CFH: variants seen among roughly 807,000 people sequenced by gnomAD.
The protein encoded by CFH is complement factor H.
Under a neutral mutation model 147.3 loss-of-function variants are expected in CFH, and 53 were observed. That is an observed-to-expected ratio of 0.36 (90% CI 0.29 to 0.45). The LOEUF (loss-of-function observed/expected upper bound fraction) is 0.45. CFH is among the 20% of genes least tolerant of loss of function. The pLI, the probability that CFH is intolerant of heterozygous loss-of-function variation, is 1.00. For missense variants in CFH, 1,380 were observed against 1,498.0 expected (o/e 0.92, Z 1.30); for synonymous variants, 536 against 489.4 (o/e 1.10, Z -1.26).
At chr1:196,713,699 A>G (rs765705174) in intron 9 of CFH, 36 bp from the exon 10 acceptor site, 11 of 1,291,736 alleles carry the variant, frequency 8.5e-6, no homozygotes, top group Non-Finnish European at 1.2e-5. Context: ...GTTATTGATC[A>G]TATGCTTGTC....
chr1:196,740,402 G>A (rs1347311042), intron 17 of CFH, among the ~76,000 whole-genome samples: 1 of 152,096 alleles, frequency 6.6e-6, no homozygotes, highest in South Asian at 2.1e-4. Flanking sequence ...GAAATGTATT[G>A]CTATTTTTAG....
chr1:196,677,623 G>C lies in CFH; in HGVS notation c.575G>C (p.Cys192Ser). 1 of 1,613,130 alleles carries C rather than the reference G, an allele frequency of 6.2e-7. No homozygotes were observed. Among genetic ancestry groups the C allele is most frequent in the Non-Finnish European group, 8.5e-7 (1 of 1,179,322 alleles). ...YKIEGDEEMH[C>S]SDDGFWSKEK... The stretch of plus-strand genomic sequence containing the variant: ...ATTGAAGGAGATGAAGAAATGCATT[G>C]TTCAGACGATGGTTTTTGGAGTAAA... Residue 192 changes from cysteine (C) to serine (S), a missense_variant, in exon 5 of 22, where the codon TGT becomes TCT. Physicochemically the swap from Cys to Ser is moderately radical, Grantham distance 112. Around this residue, in one of 4 missense-constraint regions of CFH, gnomAD observed 260 missense variants for 263.3 expected, o/e 0.99. Coordinates refer to ENST00000367429, the MANE Select transcript of CFH (RefSeq NM_000186.4).
At chr1:196,699,266 G>C (rs1240678411) in intron 9 of CFH, among the ~76,000 whole-genome samples, 2 of 151,954 alleles carry the variant, frequency 1.3e-5, no homozygotes, top group Admixed American at 6.6e-5. Context: ...TCTAATATGT[G>C]TGTGATGGTA....
intron 1 of CFH, among the ~76,000 whole-genome samples, chr1:196,671,748 A>T (rs1296205993): frequency 7.0e-6 from 1 of 142,216 alleles, no homozygotes; most frequent in Non-Finnish European, 1.6e-5. Context: ...TATATTATGT[A>T]TGTGAGCATA....
chr1:196,666,285 A>G (rs913188120), intron 1 of CFH, among the ~76,000 whole-genome samples: 6 of 152,116 alleles, frequency 3.9e-5, no homozygotes, highest in Non-Finnish European at 7.4e-5. Flanking sequence ...TTTAGATTTC[A>G]TTTAATGTTT....
chr1:196,685,594 T>C (rs1667798641), intron 7 of CFH, among the ~76,000 whole-genome samples: 1 of 152,136 alleles, frequency 6.6e-6, no homozygotes, highest in Admixed American at 6.6e-5. Context: ...TTTATTATCT[T>C]ACAGTTTCTA....
chr1:196,730,109 C>A (rs1278828072), intron 15 of CFH, among the ~76,000 whole-genome samples: 1 of 151,704 alleles, frequency 6.6e-6, no homozygotes, highest in East Asian at 1.9e-4. Flanking sequence ...TGATTTCCAT[C>A]CTTCTACTAA....
At chr1:196,661,672 A>G (rs541119189) in intron 1 of CFH, among the ~76,000 whole-genome samples, 1 of 152,314 alleles carries the variant, frequency 6.6e-6, no homozygotes, top group Non-Finnish European at 1.5e-5. Context: ...ATTGGTAATT[A>G]GGTTTAAACA....
intron 9 of CFH, among the ~76,000 whole-genome samples, chr1:196,698,765 A>G (rs907494217): frequency 1.3e-5 from 2 of 152,200 alleles, no homozygotes; most frequent in African/African-American, 4.8e-5. Flanking sequence ...TGGCAGAGAC[A>G]CAACAGAAAA....
chr1:196,676,172 GT>G lies in CFH; in HGVS notation c.427+116del, dbSNP rs35108970. The G allele has an allele frequency of 8.4e-4, 539 of 638,978 alleles. 4 individuals are homozygous for G. Among genetic ancestry groups the G allele is most frequent in the East Asian group, 5.3e-3 (163 of 30,930 alleles). 39.6% of individuals were successfully genotyped at this position (638,978 alleles called of 1,614,324 possible). A position where few individuals can be genotyped will look rare whatever the true frequency, so the allele number is the denominator to read the frequency against. ...TCTCTATTAAATATTTTTATTTAAT[GT>G]TTTTTTTTCTCATACAATGTAGAGT... is the stretch of plus-strand genomic sequence containing the variant. On this transcript the variant is annotated intron_variant, in intron 4 of 21. Coordinates refer to ENST00000367429, the MANE Select transcript of CFH (RefSeq NM_000186.4).
In CFH at chr1:196,685,155, T is replaced by G; in HGVS notation, c.882T>G (p.Cys294Trp). 1.2e-6 allele frequency: 2 copies of G among 1,613,020 alleles called. No homozygotes were observed. Among genetic ancestry groups the G allele is most frequent in the Non-Finnish European group, 1.7e-6 (2 of 1,179,276 alleles). Residue 294 changes from cysteine (C) to tryptophan (W), a missense_variant, in exon 7 of 22, where the codon TGT (cysteine) becomes TGG (tryptophan). This residue lies in a region of CFH where 167 missense variants were observed against 228.0 expected (regional missense o/e 0.73). Coordinates refer to ENST00000367429, the MANE Select transcript of CFH (RefSeq NM_000186.4). ...CTGGAGATGAAATCACGTACCAGTG[T>G]AGAAATGGTTTTTATCCTGCAACCC... The part of the protein sequence containing the change: ...HRTGDEITYQ[C>W]RNGFYPATRG...
chr1:196,731,272 A>G (rs1669275178), intron 15 of CFH, among the ~76,000 whole-genome samples: 1 of 151,900 alleles, frequency 6.6e-6, no homozygotes, highest in African/African-American at 2.4e-5. Flanking sequence ...AGGCTTGCAT[A>G]GCATACCTTA....
chr1:196,663,598 G>A (rs550660473), intron 1 of CFH, among the ~76,000 whole-genome samples: 5 of 151,864 alleles, frequency 3.3e-5, no homozygotes, highest in East Asian at 1.9e-4. Context: ...TTTTTCTCCC[G>A]TATAATGTCT....
At chr1:196,692,756 TTC>T (rs1231415561) in intron 9 of CFH, among the ~76,000 whole-genome samples, 1 of 19,704 alleles carries the variant, frequency 5.1e-5, no homozygotes, top group Non-Finnish European at 8.8e-5. Context: ...TTTTCTTTCT[TTC>T]TTTCTTTCTT....
chr1:196,662,822 A>G (rs922318996), intron 1 of CFH, among the ~76,000 whole-genome samples: 5 of 152,086 alleles, frequency 3.3e-5, no homozygotes, highest in African/African-American at 1.2e-4. Context: ...TCAGGGTCGC[A>G]GCGAGCTAAA....
intron 9 of CFH, among the ~76,000 whole-genome samples, chr1:196,692,797 T>C (rs1218447816): frequency 2.0e-5 from 2 of 101,556 alleles, no homozygotes; most frequent in African/African-American, 7.8e-5. Flanking sequence ...TTTCTTTCTT[T>C]CTTTCTTTCT....
chr1:196,695,915 G>A (rs1668248490), intron 9 of CFH, among the ~76,000 whole-genome samples: 1 of 151,842 alleles, frequency 6.6e-6, no homozygotes, highest in Non-Finnish European at 1.5e-5. Context: ...GAGACAGTGG[G>A]GTTTTCTAAA....
chr1:196,666,800 G>A (rs1203385010), intron 1 of CFH, among the ~76,000 whole-genome samples: 11 of 93,422 alleles, frequency 1.2e-4, no homozygotes, highest in African/African-American at 3.2e-4. Flanking sequence ...GCGAGACTCC[G>A]TCTCAAAAAA....
In CFH at chr1:196,726,781, G is replaced by A. The variant is rs148403790; in HGVS notation, c.2077G>A (p.Asp693Asn). The A allele has an allele frequency of 7.3e-5, 118 of 1,613,798 alleles. No individual in the cohort carries two copies. The African/African-American group carries it at 1.4e-3, about 19-fold the overall frequency. Residue 693 changes from aspartate (D) to asparagine (N), a missense_variant, in exon 14 of 22, where the codon GAT becomes AAT. By Grantham distance (23) the Asp-to-Asn change is conservative. Transcript: ENST00000367429. The stretch of plus-strand genomic sequence containing the variant: ...CATAGTGGAGGAGAGTACCTGTGGA[G>A]ATATACCTGAACTTGAACATGGCTG... The part of the protein sequence containing the change: ...VCIVEESTCG[D>N]IPELEHGWAQ...
Sources: gnomAD v4.1 joint callset for allele counts (sites outside exome capture counted in the v4.1 genomes callset) on GRCh38, gnomAD v4.1.1 for gene constraint, gnomAD v4.1.1 regional missense constraint, MANE v1.5 for transcripts, NCBI Gene and HGNC (gene_info 2026-07-23, HGNC 2026-07-21) for gene names.